AHCYL1: variants seen among roughly 807,000 people sequenced by gnomAD.
The protein encoded by AHCYL1 is S-adenosylhomocysteine hydrolase-like protein 1.
Under a neutral mutation model 79.3 loss-of-function variants are expected in AHCYL1, and 20 were observed. The ratio of observed to expected loss-of-function variants is 0.25; its 90% CI spans 0.18 to 0.37. AHCYL1 has a LOEUF of 0.37. AHCYL1 is among the 10% of genes least tolerant of loss of function. The probability of loss-of-function intolerance (pLI) is 1.00; values close to 1 mark genes in which losing one functional copy is unlikely to be tolerated. For missense variants in AHCYL1, 330 were observed against 673.6 expected (o/e 0.49, Z 5.65); for synonymous variants, 223 against 242.2 (o/e 0.92, Z 0.74).
chr1:110,015,032 G>A (rs1651316253), intron 6 of AHCYL1, among the ~76,000 whole-genome samples, 175 bp downstream of exon 6: 1 of 152,162 alleles, frequency 6.6e-6, no homozygotes, highest in African/African-American at 2.4e-5. Context: ...GGAAAGGTGG[G>A]GGAAGGGTAA....
rs183731933 is a variant in AHCYL1, at chr1:110,007,223, G to A, written c.121-1811G>A. 7.0e-3 allele frequency among the ~76,000 whole-genome samples: 1,060 copies of A among 152,174 alleles called. 4 individuals carry two copies. Among genetic ancestry groups the A allele is most frequent in the Non-Finnish European group, 0.012 (802 of 67,998 alleles). ...TGCCCAGAACCCTTTGAAAAAAGGCGAACAGGGGAAGGAATCATAGCAGAG... is the reference window on the plus strand; with the variant it reads ...TGCCCAGAACCCTTTGAAAAAAGGCAAACAGGGGAAGGAATCATAGCAGAG... On this transcript the variant is annotated intron_variant, in intron 1 of 16. Coordinates refer to ENST00000369799, the MANE Select transcript of AHCYL1 (RefSeq NM_006621.7).
intron 1 of AHCYL1, among the ~76,000 whole-genome samples, chr1:110,002,459 A>G (rs1437486323): frequency 1.3e-5 from 2 of 152,240 alleles, no homozygotes; most frequent in African/African-American, 4.8e-5. Flanking sequence ...ATTAATGTAT[A>G]ATTAAGTGTA....
At position 110,019,139 on chromosome 1, in the gene AHCYL1, C is replaced by G. The variant is rs772569484; in HGVS notation, c.1386+20C>G. ...ACACAGGTATGTGGCAAAATGCCTG[C>G]TTACACTGCACTGCAATTTGTGGAA... On this transcript the variant is annotated intron_variant, in intron 14 of 16. Coordinates refer to ENST00000369799, the MANE Select transcript of AHCYL1 (RefSeq NM_006621.7). The G allele has an allele frequency of 7.5e-6, 12 of 1,610,516 alleles. No individual in the cohort carries two copies. The Admixed American group carries it at 1.5e-4, about 20-fold the overall frequency.
At position 110,016,368 on chromosome 1, in the gene AHCYL1, G is replaced by A. The variant is rs11544576; in HGVS notation, c.807G>A (p.Gly269=). 1 of 1,613,896 alleles carries A rather than the reference G, an allele frequency of 6.2e-7. No homozygotes were observed. The highest frequency in any genetic ancestry group is 2.2e-5 in the East Asian group (1 of 44,882). Residue 269 remains glycine (G), a synonymous_variant, in exon 8 of 17, where the codon GGG becomes GGA. Coordinates refer to ENST00000369799, the MANE Select transcript of AHCYL1 (RefSeq NM_006621.7). ...GGCTGTATCAGCTCTCCAAAGCTGG[G>A]AAGCTCTGTGTTCCGGCCATGAACG... ...VHRLYQLSKA[G]KLCVPAMNVN...
intron 1 of AHCYL1, among the ~76,000 whole-genome samples, chr1:110,006,194 G>A (rs2101717851): frequency 6.6e-6 from 1 of 152,258 alleles, no homozygotes; most frequent in Admixed American, 6.5e-5. Flanking sequence ...TTGTTCAGTT[G>A]TGGGTAAGGC....
intron 5 of AHCYL1, among the ~76,000 whole-genome samples, chr1:110,014,156 T>G (rs967474964): frequency 1.8e-4 from 27 of 152,328 alleles, no homozygotes; most frequent in African/African-American, 6.3e-4. Context: ...CTTTTGGGTT[T>G]TTTTGTTTAT....
chr1:110,021,526 T>A (rs1047364358), intron 16 of AHCYL1, 148 bp from the exon 17 acceptor site: 1 of 650,026 alleles, frequency 1.5e-6, no homozygotes, highest in Non-Finnish European at 2.6e-6. Flanking sequence ...TGTGGAAGAA[T>A]AAGGGAGACT....
chr1:110,001,069 G>A (rs1420533578), intron 1 of AHCYL1: 1 of 561,878 alleles, frequency 1.8e-6, no homozygotes, highest in East Asian at 1.5e-4. Flanking sequence ...TGTTACCAGT[G>A]ATGCTTGTTC....
chr1:109,985,304 C>A, intron 1 of AHCYL1, 132 bp downstream of exon 1: 3 of 1,400,186 alleles, frequency 2.1e-6, no homozygotes, highest in Non-Finnish European at 2.8e-6. Context: ...TAGGGGGTGG[C>A]GGCTGTGCGG....
At chr1:110,012,776 A>T in intron 4 of AHCYL1, 121 bp from the exon 5 acceptor site, 1 of 690,214 alleles carries the variant, frequency 1.4e-6, no homozygotes, top group Non-Finnish European at 2.3e-6. Context: ...CCCTTTTGTA[A>T]CTTTCCAGTG....
At chr1:110,003,921 TAGTGA>T in intron 1 of AHCYL1, 2 of 985,298 alleles carry the variant, frequency 2.0e-6, no homozygotes, top group Non-Finnish European at 2.4e-6. Context: ...TAGGAGATAA[TAGTGA>T]AGTGAAGTCA....
intron 3 of AHCYL1, 21 bp downstream of exon 3, chr1:110,011,378 AG>A: frequency 3.1e-6 from 5 of 1,611,870 alleles, no homozygotes; most frequent in Non-Finnish European, 4.2e-6. Flanking sequence ...GGAGTGGGTT[AG>A]GGGACCAGAA....
In AHCYL1 at chr1:109,984,869, C is replaced by A. The variant is rs916842529; in HGVS notation, c.-184C>A. 3.9e-6 allele frequency: 4 copies of A among 1,017,056 alleles called. No homozygotes were observed. Among genetic ancestry groups the A allele is most frequent in the Non-Finnish European group, 5.1e-6 (4 of 784,828 alleles). The allele number at this position is 1,017,056 out of a possible 1,614,324, so 63.0% of individuals were successfully genotyped here. On this transcript the variant is annotated 5_prime_UTR_variant, in exon 1 of 17. Coordinates refer to ENST00000369799, the MANE Select transcript of AHCYL1 (RefSeq NM_006621.7). ...GTGGCCGCCGTCGCTGTCCGGCTGC[C>A]TTGGGCTGCCGAACAGACAAGGCGT...
intron 1 of AHCYL1, chr1:109,995,830 C>T (rs953985935): frequency 3.5e-6 from 1 of 289,722 alleles, no homozygotes; most frequent in African/African-American, 2.3e-5. Context: ...CATTTTGAAA[C>T]AGCTTCACCA....
chr1:109,999,453 C>T (rs191477869), intron 1 of AHCYL1, among the ~76,000 whole-genome samples: 4 of 152,334 alleles, frequency 2.6e-5, no homozygotes, highest in Admixed American at 6.5e-5. Flanking sequence ...ACCTTCCTGA[C>T]GCCTGGTAAG....
intron 1 of AHCYL1, among the ~76,000 whole-genome samples, chr1:109,986,554 C>A (rs868708450): frequency 6.6e-6 from 1 of 152,178 alleles, no homozygotes; most frequent in African/African-American, 2.4e-5. Context: ...CTGCACTATT[C>A]TTTGGAGAAA....
At chr1:110,020,569 G>GT (rs369129863) in intron 15 of AHCYL1, among the ~76,000 whole-genome samples, 162 bp from the exon 16 acceptor site, 86 of 149,790 alleles carry the variant, frequency 5.7e-4, no homozygotes, top group East Asian at 3.9e-4. Flanking sequence ...CAGCTTTGAG[G>GT]TTTTTTTTTT....
At chr1:109,987,489 T>C (rs1015281963) in intron 1 of AHCYL1, among the ~76,000 whole-genome samples, 4 of 152,216 alleles carry the variant, frequency 2.6e-5, no homozygotes, top group African/African-American at 9.6e-5. Flanking sequence ...CCTCAGGAAT[T>C]GAGGATGTTC....
chr1:110,020,162 T>C (rs1017301954), intron 15 of AHCYL1, among the ~76,000 whole-genome samples: 13 of 152,220 alleles, frequency 8.5e-5, no homozygotes, highest in African/African-American at 2.9e-4. Flanking sequence ...AAATACTTCT[T>C]GCTCTCCTCT....
Sources: allele counts gnomAD v4.1 joint callset (sites outside exome capture counted in the v4.1 genomes callset), GRCh38; gene constraint gnomAD v4.1.1; transcripts MANE v1.5; gene names NCBI Gene and HGNC (gene_info 2026-07-23, HGNC 2026-07-21).